The following PRPF6 variants were observed in gnomAD, a reference collection of about 807,000 sequenced individuals.
PRPF6 encodes the protein pre-mRNA processing factor 6, also known as pre-mRNA-processing factor 6.
A neutral mutation model predicts 118.3 loss-of-function variants in PRPF6; 42 were observed. That is an observed-to-expected ratio of 0.35 (90% confidence interval 0.28 to 0.46). The LOEUF is 0.46. PRPF6 is among the 20% of genes least tolerant of loss of function. PRPF6 has a pLI of 1.00. For missense variants in PRPF6, 662 were observed against 1,255.7 expected, an observed-to-expected ratio of 0.53 and a Z score of 7.15; for synonymous variants, 481 against 485.1, an observed-to-expected ratio of 0.99 and a Z score of 0.11.
chr20:64,022,846 C>T lies in PRPF6; in HGVS notation c.1737C>T (p.Arg579=), dbSNP rs200043606. 2.8e-5 allele frequency: 46 copies of T among 1,614,064 alleles called. No individual in the cohort carries two copies. Among genetic ancestry groups the T allele is most frequent in the African/African-American group, 2.0e-4 (15 of 75,036 alleles). The change falls in exon 13 of 21, where the codon CGC becomes CGT. Residue 579 remains arginine, a synonymous_variant. Coordinates refer to ENST00000266079, the MANE Select transcript of PRPF6 (RefSeq NM_012469.4). ...CCAGCAAGAAGAGTGTGTGGCTGCG[C>T]GCCGCGTACTTCGAGAAGAACCATG... ...VFPSKKSVWL[R]AAYFEKNHGT... is the part of the protein sequence containing the mutation.
Position 64,016,844 on chromosome 20 carries a change from G to C in PRPF6, c.1646G>C (p.Ser549Thr). 6.2e-7 allele frequency: 1 copy of C among 1,614,162 alleles called. No individual in the cohort carries two copies. The highest frequency in any genetic ancestry group is 8.5e-7 in the Non-Finnish European group (1 of 1,180,014). The change falls in exon 12 of 21, where the codon AGT (serine) becomes ACT (threonine). Residue 549 changes from serine to threonine, a missense_variant and splice_region_variant. Physicochemically the swap from Ser to Thr is moderately conservative, Grantham distance 58. Coordinates refer to ENST00000266079, the MANE Select transcript of PRPF6 (RefSeq NM_012469.4). ...CATACCTGGATGGAGGATGCTGACA[G>C]TGTGAGTTGGCAACAGGGGCCTTTG... ...RKHTWMEDAD[S>T]CVAHNALECA...
intron 3 of PRPF6, among the ~76,000 whole-genome samples, chr20:63,986,398 A>G (rs2059093443): frequency 6.6e-6 from 1 of 151,578 alleles, no homozygotes; most frequent in Non-Finnish European, 1.5e-5. Context: ...CATTTTGCCC[A>G]GGGGATACAA....
Position 64,027,513 on chromosome 20 carries a change from G to A in PRPF6, c.2206-90G>A. 1 of 1,577,038 alleles carries A rather than the reference G, an allele frequency of 6.3e-7. No individual in the cohort carries two copies. The highest frequency in any genetic ancestry group is 1.7e-5 in the Admixed American group (1 of 59,936). ...GGACATGGCAGCCCTGAGGGACTCG[G>A]TCACCCACTGCAGATGAGAAGCTGG... On this transcript the variant is annotated intron_variant, in intron 16 of 20. Coordinates refer to ENST00000266079, the MANE Select transcript of PRPF6 (RefSeq NM_012469.4). This position sits in a 1 kb window ranked among gnomAD's most constrained non-coding sequence, Gnocchi z 6.5.
chr20:64,011,548 A>G lies in PRPF6; in HGVS notation c.1524+45A>G, dbSNP rs1199311628. 3.8e-6 allele frequency: 6 copies of G among 1,569,746 alleles called. No homozygotes were observed. In the South Asian group the frequency reaches 4.6e-5, roughly 12 times the overall value. ...CGTGGTGTCTGCTTTAACAGTGCAC[A>G]TGCAGCACGTGAGAGTCCCACGCAG... On this transcript the variant is annotated intron_variant, in intron 11 of 20. Transcript: ENST00000266079. This position sits in a 1 kb window ranked among gnomAD's most constrained non-coding sequence, Gnocchi z 6.7.
intron 8 of PRPF6, 29 bp downstream of exon 8, chr20:63,999,788 G>T: frequency 6.2e-7 from 1 of 1,612,324 alleles, no homozygotes; most frequent in Non-Finnish European, 8.5e-7. Context: ...GGCGTTTCCT[G>T]GGAGGCTGCG....
chr20:64,015,037 G>T (rs939714638), intron 11 of PRPF6, among the ~76,000 whole-genome samples: 7 of 152,132 alleles, frequency 4.6e-5, no homozygotes, highest in African/African-American at 1.7e-4. Flanking sequence ...TTTTACATTG[G>T]ATTGTGTCTT....
chr20:63,983,942 T>C (rs1362868586), intron 2 of PRPF6, among the ~76,000 whole-genome samples: 2 of 152,212 alleles, frequency 1.3e-5, no homozygotes, highest in Non-Finnish European at 2.9e-5. Flanking sequence ...CGTGAGCCAC[T>C]GCGCCTGGCT....
At chr20:64,008,607 C>T (rs564308647) in intron 9 of PRPF6, among the ~76,000 whole-genome samples, 4 of 148,492 alleles carry the variant, frequency 2.7e-5, no homozygotes, top group Admixed American at 6.7e-5. Flanking sequence ...GTGTGCAAAA[C>T]GGTGACATTA....
chr20:63,985,364 T>G (rs1010138162), intron 3 of PRPF6, among the ~76,000 whole-genome samples: 26 of 143,330 alleles, frequency 1.8e-4, no homozygotes, highest in African/African-American at 6.2e-4. Flanking sequence ...AAAAAAAAAG[T>G]TTTGTTTTGA....
intron 12 of PRPF6, among the ~76,000 whole-genome samples, chr20:64,022,023 C>T (rs1427474057): frequency 1.4e-5 from 2 of 147,124 alleles, no homozygotes; most frequent in African/African-American, 2.6e-5. Flanking sequence ...TGTGCATGCA[C>T]GTATGCATAT....
At chr20:64,015,293 C>A (rs1316894359) in intron 11 of PRPF6, among the ~76,000 whole-genome samples, 3 of 152,252 alleles carry the variant, frequency 2.0e-5, no homozygotes, top group Admixed American at 2.0e-4. Context: ...GAAGAGCCAG[C>A]ACCTTTGCCG....
intron 9 of PRPF6, among the ~76,000 whole-genome samples, chr20:64,008,822 A>T (rs1386413478): frequency 6.6e-6 from 1 of 152,172 alleles, no homozygotes; most frequent in African/African-American, 2.4e-5. Flanking sequence ...GTTATGAACT[A>T]TTGAATGCTG....
At chr20:64,018,225 G>A (rs1340800043) in intron 12 of PRPF6, among the ~76,000 whole-genome samples, 1 of 152,190 alleles carries the variant, frequency 6.6e-6, no homozygotes, top group Non-Finnish European at 1.5e-5. Flanking sequence ...CGTTGTCTCT[G>A]TGTCCTTTTA....
chr20:64,001,216 C>G lies in PRPF6; in HGVS notation c.1163C>G (p.Ala388Gly). 1 of 1,614,238 alleles carries G rather than the reference C, an allele frequency of 6.2e-7. No homozygotes were observed. Among genetic ancestry groups the G allele is most frequent in the Non-Finnish European group, 8.5e-7 (1 of 1,180,038 alleles). Residue 388 changes from alanine to glycine, a missense_variant, in exon 9 of 21, where the codon GCA becomes GGA. Coordinates refer to ENST00000266079, the MANE Select transcript of PRPF6 (RefSeq NM_012469.4). ...GCAGAGCTGGAAACGGACATTCGTG[C>G]AAAGAAGCGGGTTCTTCGGAAAGGT... is the stretch of plus-strand genomic sequence containing the variant. ...RAAELETDIRAKKRVLRKALE... is the reference protein window; with the variant it reads ...RAAELETDIRGKKRVLRKALE...
chr20:64,031,437 G>A (rs1050670028), intron 19 of PRPF6, among the ~76,000 whole-genome samples: 2 of 152,194 alleles, frequency 1.3e-5, no homozygotes, highest in Non-Finnish European at 2.9e-5. Flanking sequence ...AGCACTGGGA[G>A]GCTGAGGCAG....
At chr20:64,014,426 G>A (rs529576632) in intron 11 of PRPF6, among the ~76,000 whole-genome samples, 2 of 151,964 alleles carry the variant, frequency 1.3e-5, no homozygotes, top group Admixed American at 1.3e-4. Context: ...GGGCTGAGGC[G>A]GGTGGATCAC....
chr20:64,015,494 C>T (rs1232473547), intron 11 of PRPF6, among the ~76,000 whole-genome samples: 1 of 152,214 alleles, frequency 6.6e-6, no homozygotes, highest in African/African-American at 2.4e-5. Flanking sequence ...TGCTCACGGT[C>T]CATGTCGTGG....
intron 12 of PRPF6, among the ~76,000 whole-genome samples, chr20:64,017,320 C>T (rs1229365480): frequency 2.0e-5 from 3 of 149,104 alleles, no homozygotes; most frequent in Non-Finnish European, 3.0e-5. Context: ...CGTGAGCCAC[C>T]GCGCCCGGCC....
chr20:64,021,942 T>G (rs992802769), intron 12 of PRPF6, among the ~76,000 whole-genome samples: 2 of 151,304 alleles, frequency 1.3e-5, no homozygotes, highest in African/African-American at 4.9e-5. Flanking sequence ...GCCGTGTGTG[T>G]GCGTGTGTGT....
Sources: allele counts gnomAD v4.1 joint callset (sites outside exome capture counted in the v4.1 genomes callset), GRCh38; gene constraint gnomAD v4.1.1; non-coding constraint Gnocchi (gnomAD v3.1); transcripts MANE v1.5; gene names NCBI Gene and HGNC (gene_info 2026-07-23, HGNC 2026-07-21).